MFSD6: variants seen among roughly 807,000 people sequenced by gnomAD.
MFSD6 encodes major facilitator superfamily domain containing 6.
A neutral mutation model predicts 56.3 loss-of-function variants in MFSD6; 26 were observed. That is an observed-to-expected ratio of 0.46 (90% confidence interval 0.34 to 0.64). MFSD6 has a LOEUF of 0.64. Among genes scored for constraint, MFSD6 ranks in the 30% least tolerant of loss-of-function variants. The probability of loss-of-function intolerance (pLI) is 0.01; values close to 1 mark genes in which losing one functional copy is unlikely to be tolerated. For missense variants in MFSD6, 750 were observed against 986.2 expected, an observed-to-expected ratio of 0.76 and a Z score of 3.21; for synonymous variants, 331 against 366.9, an observed-to-expected ratio of 0.90 and a Z score of 1.12.
In MFSD6 at chr2:190,489,798, T is replaced by C; in HGVS notation, c.1823T>C (p.Met608Thr). The change falls in exon 6 of 8, where the codon ATG becomes ACG. Residue 608 changes from methionine (M) to threonine (T), a missense_variant. Coordinates refer to ENST00000392328, the MANE Select transcript of MFSD6 (RefSeq NM_017694.4). This position sits in a 1 kb window ranked among gnomAD's most constrained non-coding sequence, Gnocchi z 6.6. ...GCTGCAACCTTCCGAGGAATTGGCA[T>C]GGCCTGCTTGGTGATCCTACTGCTC... ...GAAATFRGIG[M>T]ACLVILLLFA... 1 of 1,614,200 alleles carries C rather than the reference T, an allele frequency of 6.2e-7. No individual in the cohort carries two copies. Among genetic ancestry groups the C allele is most frequent in the Non-Finnish European group, 8.5e-7 (1 of 1,180,012 alleles).
intron 3 of MFSD6, among the ~76,000 whole-genome samples, chr2:190,449,669 A>G (rs1382651333): frequency 3.3e-5 from 5 of 152,144 alleles, no homozygotes; most frequent in Non-Finnish European, 5.9e-5. Flanking sequence ...TATAACCATG[A>G]AATACTATGC....
At position 190,431,362 on chromosome 2, in the gene MFSD6, G is replaced by T. The variant is rs1320178416; in HGVS notation, c.-53-4615G>T. 1.3e-5 allele frequency among the ~76,000 whole-genome samples: 2 copies of T among 152,228 alleles called. No homozygotes were observed. The highest frequency in any genetic ancestry group is 2.9e-5 in the Non-Finnish European group (2 of 68,042). On this transcript the variant is annotated intron_variant, in intron 2 of 7. Transcript: ENST00000392328. The surrounding 1 kb of genome is among the most constrained non-coding windows in gnomAD (Gnocchi z 4.4). The stretch of plus-strand genomic sequence containing the variant: ...GGGAGGCCAAGGCAGGCAGCTGGGA[G>T]GTGGAGGTTGTAGCGAGCCGAGATC...
In MFSD6 at chr2:190,417,396, G is replaced by T. The variant is rs1056114173; in HGVS notation, c.-54+1983G>T. On this transcript the variant is annotated intron_variant, in intron 2 of 7. Transcript: ENST00000392328. This position sits in a 1 kb window ranked among gnomAD's most constrained non-coding sequence, Gnocchi z 5.7. Reference sequence around the variant, plus strand: ...AGGCCCCACACCACAGACCCTCTGTGTACATCACCTGTGCTTGCTCCTGTT... The same window carrying T: ...AGGCCCCACACCACAGACCCTCTGTTTACATCACCTGTGCTTGCTCCTGTT... Among the ~76,000 whole-genome samples, 1 of 152,158 alleles carries T rather than the reference G, an allele frequency of 6.6e-6. No homozygotes were observed. The highest frequency in any genetic ancestry group is 1.5e-5 in the Non-Finnish European group (1 of 68,030).
intron 2 of MFSD6, among the ~76,000 whole-genome samples, chr2:190,422,959 A>C (rs61709084): frequency 0.18 from 28,012 of 151,888 alleles, 2,687 homozygotes; most frequent in East Asian, 0.29. Flanking sequence ...CAAAGTCAAC[A>C]CTTCATGAAA....
In MFSD6 at chr2:190,454,386, C is replaced by G. The variant is rs1686903047; in HGVS notation, c.1533-15372C>G. On this transcript the variant is annotated intron_variant, in intron 3 of 7. Coordinates refer to ENST00000392328, the MANE Select transcript of MFSD6 (RefSeq NM_017694.4). The surrounding 1 kb of genome is among the most constrained non-coding windows in gnomAD (Gnocchi z 4.6). Reference sequence around the variant, plus strand: ...CCTTTATATATTCAAGTCCTGACCCCCAATGTGATGCTATTTAGAGATGGG... The same window carrying G: ...CCTTTATATATTCAAGTCCTGACCCGCAATGTGATGCTATTTAGAGATGGG... The G allele has an allele frequency of 2.6e-5, 4 of 152,240 alleles. No individual in the cohort carries two copies. Among genetic ancestry groups the G allele is most frequent in the East Asian group, 3.9e-4 (2 of 5,184 alleles). 9.4% of individuals were successfully genotyped at this position (152,240 alleles called of 1,614,324 possible).
At chr2:190,422,994 T>C (rs1421488404) in intron 2 of MFSD6, among the ~76,000 whole-genome samples, 1 of 152,156 alleles carries the variant, frequency 6.6e-6, no homozygotes, top group Non-Finnish European at 1.5e-5. Context: ...AGAAAATACA[T>C]TATCAGCACC....
chr2:190,418,727 A>G lies in MFSD6; in HGVS notation c.-54+3314A>G, dbSNP rs189947020. Among the ~76,000 whole-genome samples the G allele has an allele frequency of 4.3e-4, 66 of 152,358 alleles. No individual in the cohort carries two copies. The highest frequency in any genetic ancestry group is 1.6e-3 in the African/African-American group (65 of 41,580). On this transcript the variant is annotated intron_variant, in intron 2 of 7. Coordinates refer to ENST00000392328, the MANE Select transcript of MFSD6 (RefSeq NM_017694.4). This position sits in a 1 kb window ranked among gnomAD's most constrained non-coding sequence, Gnocchi z 4.1. ...AGCTGTGATTGTGCCACTGCGCTCC[A>G]GCCTGGGTGGCAGAAGGAGCCCCTA...
rs1689098143 is a variant in MFSD6 at position 190,487,809 on chromosome 2, C to T, written c.1631-848C>T. Among the ~76,000 whole-genome samples the T allele has an allele frequency of 6.6e-6, 1 of 152,200 alleles. No individual in the cohort carries two copies. Among genetic ancestry groups the T allele is most frequent in the Non-Finnish European group, 1.5e-5 (1 of 68,030 alleles). On this transcript the variant is annotated intron_variant, in intron 4 of 7. Coordinates refer to ENST00000392328, the MANE Select transcript of MFSD6 (RefSeq NM_017694.4). The surrounding 1 kb of genome is among the most constrained non-coding windows in gnomAD (Gnocchi z 5.5). Reference sequence around the variant, plus strand: ...GTTCAGGTGGGAATGTAAAATGGTACAGCTACTTTGGAAAAAAGGTAGTTC... The same window carrying T: ...GTTCAGGTGGGAATGTAAAATGGTATAGCTACTTTGGAAAAAAGGTAGTTC...
rs374143867 is a variant in MFSD6, at chr2:190,500,333, T to A, written c.*115T>A. Reference sequence around the variant, plus strand: ...TGGAGGAGCACAGCACTGCATATGCTTCTAAATATCTAAACTCATTAACAT... The same window carrying A: ...TGGAGGAGCACAGCACTGCATATGCATCTAAATATCTAAACTCATTAACAT... On this transcript the variant is annotated 3_prime_UTR_variant, in exon 8 of 8. Transcript: ENST00000392328. The surrounding 1 kb of genome is among the most constrained non-coding windows in gnomAD (Gnocchi z 5.3). The A allele has an allele frequency of 1.6e-4, 164 of 1,038,920 alleles. 1 individual carries two copies. The Middle Eastern group carries it at 5.4e-3, about 34-fold the overall frequency. The allele number at this position is 1,038,920 out of a possible 1,614,324, so 64.4% of individuals were successfully genotyped here.
Position 190,436,489 on chromosome 2 carries a change from CCTG to C in MFSD6, c.463_465del (p.Ala155del). ...CAACCTGGGCATTGGATTTGTCAAACCTGCTACCTTGAGATGTGTACCAAAGAT... is the reference window on the plus strand; with the variant it reads ...CAACCTGGGCATTGGATTTGTCAAACCTACCTTGAGATGTGTACCAAAGAT... On this transcript the variant is annotated inframe_deletion, in exon 3 of 8. Coordinates refer to ENST00000392328, the MANE Select transcript of MFSD6 (RefSeq NM_017694.4). The surrounding 1 kb of genome is among the most constrained non-coding windows in gnomAD (Gnocchi z 5.3). The C allele has an allele frequency of 6.2e-7, 1 of 1,614,220 alleles. No homozygotes were observed. The highest frequency in any genetic ancestry group is 8.5e-7 in the Non-Finnish European group (1 of 1,180,044).
rs779140819 is a variant in MFSD6, at chr2:190,489,785, C to T, written c.1810C>T (p.Arg604Ter). 2.5e-6 allele frequency: 4 copies of T among 1,614,070 alleles called. No homozygotes were observed. Among genetic ancestry groups the T allele is most frequent in the East Asian group, 2.2e-5 (1 of 44,888 alleles). ...TTTTATAGGGGCTGCTGCAACCTTC[C>T]GAGGAATTGGCATGGCCTGCTTGGT... ...VNYFGAAATF[R>*]GIGMACLVIL... Residue 604 changes from arginine to a stop codon, truncating the protein, a stop_gained, in exon 6 of 8, where the codon CGA becomes TGA. Transcript: ENST00000392328. LOFTEE classifies it high-confidence loss of function. The surrounding 1 kb of genome is among the most constrained non-coding windows in gnomAD (Gnocchi z 6.6).
At position 190,412,527 on chromosome 2, in the gene MFSD6, C is replaced by G; in HGVS notation, c.-175-2765C>G. ...TCTTCCTCAAACTCAACTAACATGGCATTTCCTTGGGCATAGCATTTTTGA... is the reference window on the plus strand; with the variant it reads ...TCTTCCTCAAACTCAACTAACATGGGATTTCCTTGGGCATAGCATTTTTGA... On this transcript the variant is annotated intron_variant, in intron 1 of 7. Transcript: ENST00000392328. This position sits in a 1 kb window ranked among gnomAD's most constrained non-coding sequence, Gnocchi z 4.1. 2.0e-6 allele frequency: 2 copies of G among 985,408 alleles called. 1 individual carries two copies. Among genetic ancestry groups the G allele is most frequent in the South Asian group, 9.4e-5 (2 of 21,282 alleles). 61.0% of individuals were successfully genotyped at this position (985,408 alleles called of 1,614,324 possible). A position where few individuals can be genotyped will look rare whatever the true frequency, so the allele number is the denominator to read the frequency against.
intron 3 of MFSD6, among the ~76,000 whole-genome samples, chr2:190,453,368 T>C (rs548059361): frequency 9.2e-5 from 14 of 152,272 alleles, no homozygotes; most frequent in African/African-American, 3.1e-4. Context: ...CATTGGAAAG[T>C]TGCATTGATA....
chr2:190,426,397 A>T lies in MFSD6; in HGVS notation c.-53-9580A>T. On this transcript the variant is annotated intron_variant, in intron 2 of 7. Coordinates refer to ENST00000392328, the MANE Select transcript of MFSD6 (RefSeq NM_017694.4). This position sits in a 1 kb window ranked among gnomAD's most constrained non-coding sequence, Gnocchi z 4.7. ...TTATAAGTTTTCCATTTTTTCTTCCATTTCTTTGCTGAGACTTTCTGTTTT... is the reference window on the plus strand; with the variant it reads ...TTATAAGTTTTCCATTTTTTCTTCCTTTTCTTTGCTGAGACTTTCTGTTTT... Among the ~76,000 whole-genome samples, 1 of 151,242 alleles carries T rather than the reference A, an allele frequency of 6.6e-6. No individual in the cohort carries two copies. Among genetic ancestry groups the T allele is most frequent in the East Asian group, 1.9e-4 (1 of 5,172 alleles).
chr2:190,436,361 A>G lies in MFSD6; in HGVS notation c.332A>G (p.Tyr111Cys). 6.2e-7 allele frequency: 1 copy of G among 1,614,210 alleles called. No individual in the cohort carries two copies. The highest frequency in any genetic ancestry group is 8.5e-7 in the Non-Finnish European group (1 of 1,180,024). The change falls in exon 3 of 8, where the codon TAC (tyrosine) becomes TGC (cysteine). Residue 111 changes from tyrosine (Y) to cysteine (C), a missense_variant. Tyr to Cys is a radical substitution (Grantham distance 194). Transcript: ENST00000392328. The surrounding 1 kb of genome is among the most constrained non-coding windows in gnomAD (Gnocchi z 5.3). ...AGTGGACTACTAGTAGGTATTCGTT[A>G]CTTCATTGAATTCTGCAGTGCCCCC... ...SQSGLLVGIR[Y>C]FIEFCSAPFW...
chr2:190,407,917 A>T (rs1435299633), upstream of MFSD6, among the ~76,000 whole-genome samples: 1 of 152,088 alleles, frequency 6.6e-6, no homozygotes, highest in Non-Finnish European at 1.5e-5. This position sits in a 1 kb window ranked among gnomAD's most constrained non-coding sequence, Gnocchi z 5.4. Flanking sequence ...TTTCCCCCAC[A>T]TTTCCTGGCC....
At chr2:190,435,795 C>T (rs1469901074) in intron 2 of MFSD6, 182 bp from the exon 3 acceptor site, 11 of 505,574 alleles carry the variant, frequency 2.2e-5, no homozygotes, top group African/African-American at 3.8e-5. Flanking sequence ...AAAGAGTATT[C>T]GATTTTTTTA....
Position 190,411,885 on chromosome 2 carries a change from C to A in MFSD6, c.-176+3382C>A, listed in dbSNP as rs567809953. The A allele has an allele frequency of 6.5e-5, 64 of 985,318 alleles. No homozygotes were observed. The African/African-American group carries it at 9.9e-4, about 15-fold the overall frequency. 61.0% of individuals were successfully genotyped at this position (985,318 alleles called of 1,614,324 possible). On this transcript the variant is annotated intron_variant, in intron 1 of 7. Coordinates refer to ENST00000392328, the MANE Select transcript of MFSD6 (RefSeq NM_017694.4). ...GCTTGATTAGGGGTGATAAGAATTT[C>A]TTTCTTCCTGGTCTTGCTAGTGGTG...
intron 4 of MFSD6, among the ~76,000 whole-genome samples, chr2:190,476,142 A>G (rs1309484130): frequency 3.9e-5 from 6 of 152,258 alleles, no homozygotes; most frequent in South Asian, 4.1e-4. Flanking sequence ...CATTCAGGAC[A>G]TAGGCATGGG....
Sources: gnomAD v4.1 joint callset for allele counts (sites outside exome capture counted in the v4.1 genomes callset) on GRCh38, gnomAD v4.1.1 for gene constraint, Gnocchi (gnomAD v3.1) non-coding constraint, MANE v1.5 for transcripts, NCBI Gene and HGNC (gene_info 2026-07-23, HGNC 2026-07-21) for gene names.